The following CAMTA1 variants were observed in gnomAD, a reference collection of about 807,000 sequenced individuals.
The protein encoded by CAMTA1 is calmodulin binding transcription activator 1.
CAMTA1 carries 27 observed loss-of-function variants against 170.9 expected under a neutral mutation model. The observed-to-expected ratio is 0.16, with a 90% CI of 0.12 to 0.22. The LOEUF (loss-of-function observed/expected upper bound fraction) is 0.22, where lower values mean the gene tolerates loss of function less well. CAMTA1 is among the 10% of genes least tolerant of loss of function. The probability of loss-of-function intolerance (pLI) is 1.00; values close to 1 mark genes in which losing one functional copy is unlikely to be tolerated. For missense variants in CAMTA1, 1,619 were observed against 2,217.2 expected, an observed-to-expected ratio of 0.73 and a Z score of 5.42; for synonymous variants, 833 against 891.5, an observed-to-expected ratio of 0.93 and a Z score of 1.17.
chr1:6,959,962 A>G (rs1297232195), intron 3 of CAMTA1, among the ~76,000 whole-genome samples: 1 of 152,140 alleles, frequency 6.6e-6, no homozygotes. Flanking sequence ...TGCTCTAAAC[A>G]CTGCGTGCCT....
rs1308713598 is a variant in CAMTA1, at chr1:7,635,333, C to T, written c.511-5067C>T. Among the ~76,000 whole-genome samples the T allele has an allele frequency of 2.6e-5, 4 of 152,112 alleles. No homozygotes were observed. The highest frequency in any genetic ancestry group is 4.4e-5 in the Non-Finnish European group (3 of 68,010). On this transcript the variant is annotated intron_variant, in intron 6 of 22. Transcript: ENST00000303635. This position sits in a 1 kb window ranked among gnomAD's most constrained non-coding sequence, Gnocchi z 4.4. ...TCCAGAATCAAGGATCCGGGCCGGG[C>T]GTGGTGGCTCACGCCTGTAATCCCA...
chr1:7,110,529 A>C (rs949769362), intron 4 of CAMTA1, among the ~76,000 whole-genome samples: 1 of 152,210 alleles, frequency 6.6e-6, no homozygotes, highest in African/African-American at 2.4e-5. Flanking sequence ...TCTGCGATGA[A>C]TTATTCAGCC....
Position 7,634,646 on chromosome 1 carries a change from G to A in CAMTA1, c.511-5754G>A, listed in dbSNP as rs1430103045. On this transcript the variant is annotated intron_variant, in intron 6 of 22. Transcript: ENST00000303635. This position sits in a 1 kb window ranked among gnomAD's most constrained non-coding sequence, Gnocchi z 6.2. Reference sequence around the variant, plus strand: ...CCCAGGCTGGACGCTGGTGGAGGAAGGGCCTCTGTACACAGCAAGAGGAGA... The same window carrying A: ...CCCAGGCTGGACGCTGGTGGAGGAAAGGCCTCTGTACACAGCAAGAGGAGA... Among the ~76,000 whole-genome samples, 1 of 152,146 alleles carries A rather than the reference G, an allele frequency of 6.6e-6. No homozygotes were observed. The highest frequency in any genetic ancestry group is 1.9e-4 in the East Asian group (1 of 5,164).
intron 6 of CAMTA1, among the ~76,000 whole-genome samples, chr1:7,632,497 G>A (rs533579275): frequency 4.6e-5 from 7 of 152,362 alleles, no homozygotes; most frequent in South Asian, 2.1e-4. Flanking sequence ...ACCACTTAGC[G>A]TTGATGAAGC....
Position 6,988,510 on chromosome 1 carries a change from A to G in CAMTA1, c.235-102794A>G, listed in dbSNP as rs146015232. On this transcript the variant is annotated intron_variant, in intron 3 of 22. Coordinates refer to ENST00000303635, the MANE Select transcript of CAMTA1 (RefSeq NM_015215.4). ...ACACAGATGGAAATTCATTTAATGA[A>G]CTACAAGTCCCTGAATGGATTCTAA... Among the ~76,000 whole-genome samples the G allele has an allele frequency of 8.5e-4, 130 of 152,288 alleles. 2 individuals carry two copies. In the East Asian group the frequency reaches 0.025, roughly 29 times the overall value.
chr1:6,967,959 T>C (rs1034438304), intron 3 of CAMTA1, among the ~76,000 whole-genome samples: 1 of 152,228 alleles, frequency 6.6e-6, no homozygotes, highest in Admixed American at 6.5e-5. Context: ...CAGTTGGCAT[T>C]ATATCACAGT....
In CAMTA1 at chr1:7,681,821, C is replaced by T. The variant is rs960136816; in HGVS notation, c.2914+4088C>T. Among the ~76,000 whole-genome samples, 1 of 152,226 alleles carries T rather than the reference C, an allele frequency of 6.6e-6. No homozygotes were observed. Among genetic ancestry groups the T allele is most frequent in the African/African-American group, 2.4e-5 (1 of 41,466 alleles). Reference sequence around the variant, plus strand: ...GCAGTTCAACACTGCAGCCCTGGAGCTGAGGGGATGGGGCGGGCCCTCTTC... The same window carrying T: ...GCAGTTCAACACTGCAGCCCTGGAGTTGAGGGGATGGGGCGGGCCCTCTTC... On this transcript the variant is annotated intron_variant, in intron 11 of 22. Coordinates refer to ENST00000303635, the MANE Select transcript of CAMTA1 (RefSeq NM_015215.4). The surrounding 1 kb of genome is among the most constrained non-coding windows in gnomAD (Gnocchi z 4.6).
intron 3 of CAMTA1, among the ~76,000 whole-genome samples, chr1:6,985,724 G>A (rs1403052052): frequency 6.6e-6 from 1 of 152,244 alleles, no homozygotes; most frequent in Admixed American, 6.5e-5. Flanking sequence ...TATTAGCAGT[G>A]CACGGGGAGG....
intron 5 of CAMTA1, among the ~76,000 whole-genome samples, chr1:7,416,773 C>T (rs1268451620): frequency 6.6e-6 from 1 of 152,232 alleles, no homozygotes; most frequent in Non-Finnish European, 1.5e-5. Context: ...CAAAGTCATT[C>T]TCCGTCCAGC....
chr1:7,557,031 G>A (rs1308773036), intron 6 of CAMTA1, among the ~76,000 whole-genome samples: 1 of 152,170 alleles, frequency 6.6e-6, no homozygotes, highest in Non-Finnish European at 1.5e-5. Context: ...TCAACAGCCA[G>A]GCGCGGTGGC....
At chr1:6,786,810 T>A (rs192832071) in intron 1 of CAMTA1, among the ~76,000 whole-genome samples, 11 of 152,262 alleles carry the variant, frequency 7.2e-5, no homozygotes, top group Admixed American at 3.9e-4. Flanking sequence ...CCCAATAAGA[T>A]GTAGGGCAGG....
At chr1:7,133,562 C>T (rs1173475840) in intron 4 of CAMTA1, among the ~76,000 whole-genome samples, 1 of 152,122 alleles carries the variant, frequency 6.6e-6, no homozygotes, top group Non-Finnish European at 1.5e-5. Context: ...GTATCACTGT[C>T]CTGCACTGTC....
At chr1:7,342,197 G>A (rs1382710870) in intron 5 of CAMTA1, among the ~76,000 whole-genome samples, 2 of 152,216 alleles carry the variant, frequency 1.3e-5, no homozygotes, top group African/African-American at 2.4e-5. Flanking sequence ...CTAGGGTGGA[G>A]GGCAGGGTGC....
In CAMTA1 at chr1:7,443,467, C is replaced by T. The variant is rs2092602511; in HGVS notation, c.439-24363C>T. Among the ~76,000 whole-genome samples the T allele has an allele frequency of 6.6e-6, 1 of 152,220 alleles. No individual in the cohort carries two copies. Among genetic ancestry groups the T allele is most frequent in the East Asian group, 1.9e-4 (1 of 5,158 alleles). ...GGAAAGTCACCCAGCCCTGGGCATCCGAATCAGCATTTTCTGGAGACTGGC... is the reference window on the plus strand; with the variant it reads ...GGAAAGTCACCCAGCCCTGGGCATCTGAATCAGCATTTTCTGGAGACTGGC... On this transcript the variant is annotated intron_variant, in intron 5 of 22. Transcript: ENST00000303635. The surrounding 1 kb of genome is among the most constrained non-coding windows in gnomAD (Gnocchi z 4.1).
intron 11 of CAMTA1, among the ~76,000 whole-genome samples, chr1:7,715,776 T>G (rs1415698274): frequency 6.6e-6 from 1 of 152,216 alleles, no homozygotes; most frequent in Non-Finnish European, 1.5e-5. Flanking sequence ...TCAGAGGAAC[T>G]GAGTGCCGTG....
At chr1:7,586,116 A>G (rs1288852940) in intron 6 of CAMTA1, among the ~76,000 whole-genome samples, 1 of 151,298 alleles carries the variant, frequency 6.6e-6, no homozygotes. Flanking sequence ...GAAGGCGCCC[A>G]CTCCCAGCCA....
intron 5 of CAMTA1, among the ~76,000 whole-genome samples, chr1:7,458,088 G>A (rs771519211): frequency 6.6e-6 from 1 of 152,136 alleles, no homozygotes; most frequent in African/African-American, 2.4e-5. Context: ...AGGGGGTGGC[G>A]GGTGGCCAGC....
At chr1:6,867,034 C>T (rs1459344650) in intron 3 of CAMTA1, among the ~76,000 whole-genome samples, 8 of 152,228 alleles carry the variant, frequency 5.3e-5, no homozygotes, top group Non-Finnish European at 1.0e-4. Flanking sequence ...ATTCTTGTCT[C>T]AGGCTCCCCA....
intron 5 of CAMTA1, among the ~76,000 whole-genome samples, chr1:7,319,386 G>T (rs935848403): frequency 6.6e-6 from 1 of 152,050 alleles, no homozygotes; most frequent in Non-Finnish European, 1.5e-5. Flanking sequence ...ATGAGATCTG[G>T]TTGTTTATAA....
Sources: allele counts gnomAD v4.1 joint callset (sites outside exome capture counted in the v4.1 genomes callset), GRCh38; gene constraint gnomAD v4.1.1; non-coding constraint Gnocchi (gnomAD v3.1); transcripts MANE v1.5; gene names NCBI Gene and HGNC (gene_info 2026-07-23, HGNC 2026-07-21).